PAGE2B: variants seen among roughly 807,000 people sequenced by gnomAD.
PAGE2B encodes the protein PAGE family member 2B.
In PAGE2B, 5 loss-of-function variants were observed where a neutral mutation model predicts 7.6. The ratio of observed to expected loss-of-function variants is 0.66; its 90% confidence interval spans 0.34 to 1.38. The LOEUF is 1.38. Ranked by LOEUF, PAGE2B falls within the 40% of genes most tolerant of loss-of-function variation. PAGE2B has a pLI of 0.04. For missense variants in PAGE2B, 70 were observed against 78.4 expected, an observed-to-expected ratio of 0.89 and a Z score of 0.41; for synonymous variants, 29 against 26.7, an observed-to-expected ratio of 1.09 and a Z score of -0.27.
the PAGE2B span, among the ~76,000 whole-genome samples, chrX:55,054,090 C>T: frequency 8.2e-5 from 9 of 109,917 alleles, no homozygotes; most frequent in Non-Finnish European, 1.3e-4. Flanking sequence ...GGCACGCACC[C>T]GTAGTCCCAG....
chrX:55,048,246 G>A, the PAGE2B span, among the ~76,000 whole-genome samples: 1 of 110,924 alleles, frequency 9.0e-6, no homozygotes, highest in African/African-American at 3.3e-5. Context: ...AAGTCAGGTA[G>A]CGTGATGCTT....
chrX:55,037,301 A>C, the PAGE2B span, among the ~76,000 whole-genome samples: 1 of 112,431 alleles, frequency 8.9e-6, no homozygotes, highest in East Asian at 2.8e-4. Flanking sequence ...ATATGAAAAA[A>C]TGCTCATCAT....
chrX:55,070,935 G>A (rs1448176392), upstream of PAGE2B, among the ~76,000 whole-genome samples: 5 of 110,942 alleles, frequency 4.5e-5, no homozygotes, highest in East Asian at 5.7e-4. Context: ...GTCTTTGCAC[G>A]TGAGATGGGT....
chrX:55,069,249 G>C, the PAGE2B span, among the ~76,000 whole-genome samples: 1 of 111,819 alleles, frequency 8.9e-6, no homozygotes, highest in Non-Finnish European at 1.9e-5. Context: ...TTAGCATGCA[G>C]GGCTGTTGAA....
chrX:55,054,502 T>C, the PAGE2B span, among the ~76,000 whole-genome samples: 1 of 112,321 alleles, frequency 8.9e-6, no homozygotes, highest in Non-Finnish European at 1.9e-5. Flanking sequence ...TGCTTTTATT[T>C]TGGAATAACA....
intron 2 of PAGE2B, 121 bp from the exon 3 acceptor site, chrX:55,076,448 A>G (rs1272930696): frequency 3.7e-5 from 24 of 653,647 alleles, no homozygotes; most frequent in Admixed American, 6.8e-5. Flanking sequence ...ATATATGTAT[A>G]TACATATATA....
the PAGE2B span, among the ~76,000 whole-genome samples, chrX:55,053,287 G>A: frequency 3.6e-5 from 4 of 111,671 alleles, no homozygotes; most frequent in African/African-American, 9.8e-5. Context: ...ACCAAGCACC[G>A]CATGTTCTCA....
At chrX:55,076,407 T>TGTACGTATATAC (rs1936517994) in intron 2 of PAGE2B, among the ~76,000 whole-genome samples, 162 bp from the exon 3 acceptor site, 1 of 108,982 alleles carries the variant, frequency 9.2e-6, no homozygotes, top group South Asian at 3.9e-4. Context: ...TGTGTATATA[T>TGTACGTATATAC]GTATGTATAT....
At chrX:55,042,135 T>C in the PAGE2B span, among the ~76,000 whole-genome samples, 1 of 110,702 alleles carries the variant, frequency 9.0e-6, no homozygotes, top group East Asian at 2.9e-4. Context: ...GCTGATGATA[T>C]GATCCTATAC....
chrX:55,032,692 A>C, the PAGE2B span, among the ~76,000 whole-genome samples: 1 of 111,903 alleles, frequency 8.9e-6, no homozygotes, highest in Non-Finnish European at 1.9e-5. Flanking sequence ...CTTTTCTGTG[A>C]TATTTGCTGC....
At chrX:55,067,466 G>T in the PAGE2B span, among the ~76,000 whole-genome samples, 1 of 111,685 alleles carries the variant, frequency 9.0e-6, no homozygotes, top group Admixed American at 9.5e-5. Context: ...ATGGGAATTT[G>T]GGCTAGTTCC....
the PAGE2B span, among the ~76,000 whole-genome samples, chrX:55,042,255 C>A: frequency 9.0e-6 from 1 of 111,200 alleles, no homozygotes; most frequent in African/African-American, 3.3e-5. Flanking sequence ...CTGCTATACA[C>A]CAACAGCGAC....
the PAGE2B span, among the ~76,000 whole-genome samples, chrX:55,047,506 A>G: frequency 9.0e-6 from 1 of 111,672 alleles, no homozygotes; most frequent in Non-Finnish European, 1.9e-5. Context: ...GACTTCCACA[A>G]TGGTTGAACT....
the PAGE2B span, chrX:55,031,117 C>T: frequency 3.6e-6 from 1 of 274,655 alleles, no homozygotes. Flanking sequence ...CCCAAAGTAG[C>T]CCCTCCCTCT....
the PAGE2B span, among the ~76,000 whole-genome samples, chrX:55,069,451 T>A: frequency 8.9e-6 from 1 of 111,774 alleles, no homozygotes; most frequent in Non-Finnish European, 1.9e-5. Flanking sequence ...CAGCATTTTA[T>A]TGAGGATTTT....
the PAGE2B span, among the ~76,000 whole-genome samples, chrX:55,053,083 A>T: frequency 6.2e-5 from 7 of 112,493 alleles, no homozygotes; most frequent in Admixed American, 4.7e-4. Context: ...TATGTTCTTT[A>T]AAATCTCTGT....
In PAGE2B at chrX:55,077,503, C is replaced by A. The variant is rs781620826; in HGVS notation, c.298C>A (p.Leu100Ile). The A allele has an allele frequency of 5.8e-6, 7 of 1,211,914 alleles. No homozygotes were observed. The highest frequency in any genetic ancestry group is 7.8e-6 in the Non-Finnish European group (7 of 895,466). ...GGAGGGGATTATGCCCACTTTTGATCTCACTAAAGTGCTGGAAGCAGGTTT... is the reference window on the plus strand; with the variant it reads ...GGAGGGGATTATGCCCACTTTTGATATCACTAAAGTGCTGGAAGCAGGTTT... ...VREGIMPTFD[L>I]TKVLEAGDAQ... Residue 100 changes from leucine (L) to isoleucine (I), a missense_variant, in exon 4 of 5, where the codon CTC becomes ATC. Transcript: ENST00000374971.
the PAGE2B span, among the ~76,000 whole-genome samples, chrX:55,049,618 T>C: frequency 1.8e-5 from 2 of 112,094 alleles, no homozygotes; most frequent in Admixed American, 9.5e-5. Context: ...TATTCTCTGA[T>C]GGTAGTTTGT....
At chrX:55,034,734 G>GAC in the PAGE2B span, among the ~76,000 whole-genome samples, 3,965 of 104,798 alleles carry the variant, frequency 0.038, 204 homozygotes, top group African/African-American at 0.13. Flanking sequence ...ACTAATAGGA[G>GAC]ACACACACAC....
Sources: gnomAD v4.1 joint callset for allele counts (sites outside exome capture counted in the v4.1 genomes callset) on GRCh38, gnomAD v4.1.1 for gene constraint, MANE v1.5 for transcripts, NCBI Gene and HGNC (gene_info 2026-07-23, HGNC 2026-07-21) for gene names.